Variants in WNT7B observed in about 807,000 individuals in gnomAD.
The protein encoded by WNT7B is protein Wnt-7b.
A neutral mutation model predicts 38.2 loss-of-function variants in WNT7B; 19 were observed. The observed-to-expected ratio is 0.50, with a 90% confidence interval of 0.35 to 0.73. The LOEUF is 0.73. Among genes scored for constraint, WNT7B ranks in the 30% least tolerant of loss-of-function variants. WNT7B has a pLI of 0.01. For synonymous variants in WNT7B, 243 were observed against 209.3 expected, an observed-to-expected ratio of 1.16 and a Z score of -1.39; for missense variants, 423 against 507.9, an observed-to-expected ratio of 0.83 and a Z score of 1.61.
chr22:45,924,311 AAATG>A (rs778598358), intron 3 of WNT7B, among the ~76,000 whole-genome samples: 10 of 152,288 alleles, frequency 6.6e-5, no homozygotes, highest in South Asian at 2.1e-4. Flanking sequence ...GTCCCCCAGA[AAATG>A]AATGAATGAA....
Position 45,923,112 on chromosome 22 carries a change from T to C in WNT7B, c.794A>G (p.Glu265Gly). ...KQLRSYQKPMETDLVYIEKSP... is the reference protein window; with the variant it reads ...KQLRSYQKPMGTDLVYIEKSP... Reference sequence around the variant, plus strand: ...CTTCTCAATGTACACCAGGTCTGTCTCCATGGGCTTCTGATAGCTGCGCAG... The same window carrying C: ...CTTCTCAATGTACACCAGGTCTGTCCCCATGGGCTTCTGATAGCTGCGCAG... The change falls in exon 4 of 4, where the codon GAG (glutamate) becomes GGG (glycine). Residue 265 changes from glutamate (E) to glycine (G), a missense_variant. By Grantham distance (98) the Glu-to-Gly change is moderately conservative. Coordinates refer to ENST00000339464, the MANE Select transcript of WNT7B (RefSeq NM_058238.3). 1 of 1,613,682 alleles carries C rather than the reference T, an allele frequency of 6.2e-7. No homozygotes were observed. Among genetic ancestry groups the C allele is most frequent in the Non-Finnish European group, 8.5e-7 (1 of 1,180,012 alleles).
intron 3 of WNT7B, among the ~76,000 whole-genome samples, chr22:45,923,678 G>A (rs372196919): frequency 1.4e-4 from 22 of 152,292 alleles, no homozygotes; most frequent in African/African-American, 5.1e-4. Context: ...ACCGAGGTTT[G>A]GGGCTGTGGG....
rs1268710641 is a variant in WNT7B at position 45,976,751 on chromosome 22, G to A, written c.4C>T (p.His2Tyr). The change falls in exon 1 of 4, where the codon CAC becomes TAC. Residue 2 changes from histidine (H) to tyrosine (Y), a missense_variant. Physicochemically the swap from His to Tyr is moderately conservative, Grantham distance 83. Coordinates refer to ENST00000339464, the MANE Select transcript of WNT7B (RefSeq NM_058238.3). This position sits in a 1 kb window ranked among gnomAD's most constrained non-coding sequence, Gnocchi z 8.5. ...AAAATCCACTTGCGAAAGTTTCTGT[G>A]CATGATCCAGGGAGGGGGGCTGCGC... M[H>Y]RNFRKWIFYV... The A allele has an allele frequency of 4.4e-6, 7 of 1,607,844 alleles. No homozygotes were observed. Among genetic ancestry groups the A allele is most frequent in the Non-Finnish European group, 5.9e-6 (7 of 1,176,622 alleles).
chr22:45,967,862 A>G (rs1460258243), intron 1 of WNT7B, among the ~76,000 whole-genome samples: 1 of 152,114 alleles, frequency 6.6e-6, no homozygotes, highest in Non-Finnish European at 1.5e-5. Flanking sequence ...GCCCCCCATC[A>G]GCACCTCCAA....
At chr22:45,971,243 G>A (rs1438296440) in intron 1 of WNT7B, among the ~76,000 whole-genome samples, 1 of 151,928 alleles carries the variant, frequency 6.6e-6, no homozygotes, top group East Asian at 1.9e-4. Context: ...GTAAAGGAGG[G>A]GGAGGGGGAA....
intron 2 of WNT7B, among the ~76,000 whole-genome samples, chr22:45,947,286 G>A (rs985508072): frequency 7.9e-5 from 12 of 152,266 alleles, no homozygotes; most frequent in African/African-American, 2.7e-4. Flanking sequence ...AGGAGCTACT[G>A]CAGGTTTTGG....
chr22:45,970,529 C>T (rs1007357348), intron 1 of WNT7B, among the ~76,000 whole-genome samples: 8 of 152,088 alleles, frequency 5.3e-5, no homozygotes, highest in African/African-American at 1.7e-4. Context: ...CGACCCTTAC[C>T]CCAACCCCCA....
chr22:45,949,644 AG>A lies in WNT7B; in HGVS notation c.298+275del, dbSNP rs1931882414. Among the ~76,000 whole-genome samples, 3 of 152,352 alleles carry A rather than the reference AG, an allele frequency of 2.0e-5. No individual in the cohort carries two copies. In the South Asian group the frequency reaches 6.2e-4, roughly 32 times the overall value. ...ACCGCGCCACCAGCCTACAGGCCCAAGGGCCCACGGCCACGTCACGACGATG... is the reference window on the plus strand; with the variant it reads ...ACCGCGCCACCAGCCTACAGGCCCAAGGCCCACGGCCACGTCACGACGATG... On this transcript the variant is annotated intron_variant, in intron 2 of 3. Transcript: ENST00000339464.
intron 2 of WNT7B, among the ~76,000 whole-genome samples, chr22:45,949,074 AC>A (rs777349040): frequency 1.8e-3 from 264 of 150,512 alleles, no homozygotes; most frequent in Admixed American, 2.8e-3. Flanking sequence ...CAGGTGATCC[AC>A]CCCCCTCGTC....
At chr22:45,937,133 G>A (rs186677882) in intron 2 of WNT7B, among the ~76,000 whole-genome samples, 10 of 152,314 alleles carry the variant, frequency 6.6e-5, no homozygotes, top group Admixed American at 5.2e-4. Flanking sequence ...CATCCAGTGC[G>A]GCTCCTCCAT....
chr22:45,945,371 G>A (rs1014973471), intron 2 of WNT7B, among the ~76,000 whole-genome samples: 1 of 152,218 alleles, frequency 6.6e-6, no homozygotes, highest in African/African-American at 2.4e-5. Flanking sequence ...GAGCCACCAT[G>A]CCTGGCTGGT....
chr22:45,940,559 G>A (rs10453452), intron 2 of WNT7B, among the ~76,000 whole-genome samples: 14,254 of 152,204 alleles, frequency 0.094, 1,820 homozygotes, highest in African/African-American at 0.29. Context: ...AGAATCCCAG[G>A]GGTGAGGCTC....
intron 3 of WNT7B, among the ~76,000 whole-genome samples, chr22:45,924,948 A>G (rs1931035385): frequency 7.2e-6 from 1 of 138,650 alleles, no homozygotes; most frequent in Non-Finnish European, 1.5e-5. Flanking sequence ...CTGAAGGCTC[A>G]TCAGGTGGGT....
chr22:45,924,252 C>T (rs770140135), intron 3 of WNT7B, among the ~76,000 whole-genome samples: 41 of 152,210 alleles, frequency 2.7e-4, no homozygotes, highest in African/African-American at 6.0e-4. Flanking sequence ...CCAGAACTCA[C>T]GGTCATGGGG....
intron 3 of WNT7B, among the ~76,000 whole-genome samples, chr22:45,929,764 C>T (rs1332177719): frequency 2.0e-5 from 3 of 150,336 alleles, no homozygotes; most frequent in Non-Finnish European, 2.9e-5. Context: ...ATTCATCTGT[C>T]TACTTATCCT....
intron 2 of WNT7B, among the ~76,000 whole-genome samples, chr22:45,931,666 A>C (rs2146713953): frequency 6.6e-6 from 1 of 152,210 alleles, no homozygotes; most frequent in South Asian, 2.1e-4. Context: ...AGTGCTGCCG[A>C]CAGCTTCTCT....
In WNT7B at chr22:45,950,164, C is replaced by A. The variant is rs1400271892; in HGVS notation, c.72-18G>T. 3 of 1,606,594 alleles carry A rather than the reference C, an allele frequency of 1.9e-6. No individual in the cohort carries two copies. The highest frequency in any genetic ancestry group is 3.3e-4 in the Middle Eastern group (2 of 5,982). On this transcript the variant is annotated intron_variant, in intron 1 of 3. Coordinates refer to ENST00000339464, the MANE Select transcript of WNT7B (RefSeq NM_058238.3). Reference sequence around the variant, plus strand: ...ACAGTGCTCTGTGGAGGGGAGGAGACAGAGGCCGTGAGACGGCGGCGGCCA... The same window carrying A: ...ACAGTGCTCTGTGGAGGGGAGGAGAAAGAGGCCGTGAGACGGCGGCGGCCA...
intron 1 of WNT7B, among the ~76,000 whole-genome samples, chr22:45,961,174 G>C (rs922971972): frequency 6.6e-6 from 1 of 152,256 alleles, no homozygotes; most frequent in Non-Finnish European, 1.5e-5. Flanking sequence ...GAACCAGAGA[G>C]AATGAATAAC....
rs777448235 is a variant in WNT7B at position 45,931,073 on chromosome 22, C to T, written c.570+25G>A. The stretch of plus-strand genomic sequence containing the variant: ...TGATACAGCGGTCCCAGCTACGGCC[C>T]CCACCAGCCGCACCCGCACCCTACC... On this transcript the variant is annotated intron_variant, in intron 3 of 3. Coordinates refer to ENST00000339464, the MANE Select transcript of WNT7B (RefSeq NM_058238.3). 7.8e-6 allele frequency: 12 copies of T among 1,545,308 alleles called. No individual in the cohort carries two copies. In the South Asian group the frequency reaches 1.4e-4, roughly 19 times the overall value.
Sources: gnomAD v4.1 joint callset for allele counts (sites outside exome capture counted in the v4.1 genomes callset) on GRCh38, gnomAD v4.1.1 for gene constraint, Gnocchi (gnomAD v3.1) non-coding constraint, MANE v1.5 for transcripts, NCBI Gene and HGNC (gene_info 2026-07-23, HGNC 2026-07-21) for gene names.